The following CLSTN2 variants were observed in gnomAD, a reference collection of about 807,000 sequenced individuals.
The protein encoded by CLSTN2 is calsyntenin 2.
Under a neutral mutation model 101.2 loss-of-function variants are expected in CLSTN2, and 48 were observed. That is an observed-to-expected ratio of 0.47 (90% CI 0.38 to 0.60). The LOEUF is 0.60. CLSTN2 is among the 20% of genes least tolerant of loss of function. CLSTN2 has a pLI of 0.00. For missense variants in CLSTN2, 1,160 were observed against 1,238.2 expected, an observed-to-expected ratio of 0.94 and a Z score of 0.95; for synonymous variants, 481 against 463.6, an observed-to-expected ratio of 1.04 and a Z score of -0.48.
chr3:140,170,206 A>G (rs1026841780), intron 1 of CLSTN2, among the ~76,000 whole-genome samples: 3 of 152,192 alleles, frequency 2.0e-5, no homozygotes, highest in Non-Finnish European at 4.4e-5. Flanking sequence ...CCTCAAAATG[A>G]TCATTTGACC....
chr3:140,236,823 T>TTGTGTG (rs1559815218), intron 2 of CLSTN2, among the ~76,000 whole-genome samples: 1 of 105,990 alleles, frequency 9.4e-6, no homozygotes, highest in Non-Finnish European at 1.9e-5. Context: ...TTATGTTATA[T>TTGTGTG]AGTGTGTGTG....
At chr3:140,386,174 C>T (rs2088049291) in intron 2 of CLSTN2, among the ~76,000 whole-genome samples, 1 of 152,224 alleles carries the variant, frequency 6.6e-6, no homozygotes, top group African/African-American at 2.4e-5. Context: ...ACAGTATAAT[C>T]TGTTATTACT....
At chr3:140,466,582 C>G (rs1350759239) in intron 7 of CLSTN2, 28 bp from the exon 8 acceptor site, 1 of 1,613,784 alleles carries the variant, frequency 6.2e-7, no homozygotes, top group African/African-American at 1.3e-5. Flanking sequence ...GGTTCTCTCA[C>G]TCTTCAAACC....
chr3:140,335,908 A>G (rs1364366629), intron 2 of CLSTN2, among the ~76,000 whole-genome samples: 1 of 152,092 alleles, frequency 6.6e-6, no homozygotes, highest in Non-Finnish European at 1.5e-5. Context: ...GCCTTCTTTC[A>G]TCTCATCTGC....
chr3:140,276,418 T>A (rs1277120004), intron 2 of CLSTN2, among the ~76,000 whole-genome samples: 2 of 152,170 alleles, frequency 1.3e-5, no homozygotes, highest in African/African-American at 4.8e-5. Flanking sequence ...AGTAAGGGTC[T>A]AGTGTAAAGA....
At chr3:140,216,219 C>G (rs921221143) in intron 2 of CLSTN2, among the ~76,000 whole-genome samples, 1 of 152,070 alleles carries the variant, frequency 6.6e-6, no homozygotes, top group African/African-American at 2.4e-5. Flanking sequence ...CCGCCTCCCA[C>G]CCCCATCCAT....
chr3:140,204,793 C>T (rs1032280435), intron 2 of CLSTN2, among the ~76,000 whole-genome samples: 3 of 152,142 alleles, frequency 2.0e-5, no homozygotes, highest in Non-Finnish European at 4.4e-5. Flanking sequence ...GGTCTTATTC[C>T]CCTGGTTACT....
At position 140,264,375 on chromosome 3, in the gene CLSTN2, A is replaced by AATATATAT. The variant is rs61248635; in HGVS notation, c.232+88348_232+88355dup. On this transcript the variant is annotated intron_variant, in intron 2 of 16. Transcript: ENST00000458420. Reference sequence around the variant, plus strand: ...CTGTGAGTTCAAGGTTAATGAATCAAATATATATATATATATATATATATA... The same window carrying AATATATAT: ...CTGTGAGTTCAAGGTTAATGAATCAAATATATATATATATATATATATATATATATATA... 8.6e-4 allele frequency among the ~76,000 whole-genome samples: 85 copies of AATATATAT among 98,486 alleles called. 1 individual carries two copies. The highest frequency in any genetic ancestry group is 1.2e-3 in the Non-Finnish European group (60 of 50,036). The allele number at this position is 98,486 out of a possible 152,430, so 64.6% of individuals were successfully genotyped here.
intron 2 of CLSTN2, among the ~76,000 whole-genome samples, chr3:140,315,092 G>A (rs1409558553): frequency 6.6e-6 from 1 of 152,212 alleles, no homozygotes; most frequent in Non-Finnish European, 1.5e-5. Flanking sequence ...TGCTGGCAAG[G>A]AGCAGAAATA....
intron 2 of CLSTN2, among the ~76,000 whole-genome samples, chr3:140,263,892 G>A (rs1020522270): frequency 1.3e-5 from 2 of 152,100 alleles, no homozygotes; most frequent in Admixed American, 6.6e-5. Context: ...TTTGTTATAA[G>A]TACCATATTT....
chr3:140,342,114 A>T (rs2087499334), intron 2 of CLSTN2, among the ~76,000 whole-genome samples: 1 of 152,210 alleles, frequency 6.6e-6, no homozygotes, highest in African/African-American at 2.4e-5. Context: ...AAGATGGAAG[A>T]TTCTTACCAA....
At chr3:140,180,566 T>G (rs1238617750) in intron 2 of CLSTN2, among the ~76,000 whole-genome samples, 1 of 152,192 alleles carries the variant, frequency 6.6e-6, no homozygotes, top group African/African-American at 2.4e-5. Context: ...ACCATGAACT[T>G]ATTAATTTCT....
At chr3:140,144,821 A>T (rs541935501) in intron 1 of CLSTN2, among the ~76,000 whole-genome samples, 2 of 152,322 alleles carry the variant, frequency 1.3e-5, no homozygotes, top group East Asian at 3.9e-4. Context: ...TTCACCCAAC[A>T]GGCTGCACAT....
rs73228931 is a variant in CLSTN2, at chr3:140,317,457, C to T, written c.233-86172C>T. Among the ~76,000 whole-genome samples the T allele has an allele frequency of 4.9e-3, 739 of 152,230 alleles. 2 individuals are homozygous for T. Among genetic ancestry groups the T allele is most frequent in the Non-Finnish European group, 7.7e-3 (523 of 68,028 alleles). ...TCTGAGAGTGTCCCTCCCTTAGCTG[C>T]AGTCCACTGGAGGAGTGTGCCTTCT... On this transcript the variant is annotated intron_variant, in intron 2 of 16. Transcript: ENST00000458420.
chr3:140,346,706 T>C (rs947843114), intron 2 of CLSTN2, among the ~76,000 whole-genome samples: 2 of 152,220 alleles, frequency 1.3e-5, no homozygotes, highest in South Asian at 4.1e-4. Flanking sequence ...TCCCTTTCCA[T>C]AGTGACTCTT....
In CLSTN2 at chr3:140,163,418, C is replaced by CCACA. The variant is rs757576419; in HGVS notation, c.110-12533_110-12532insCACA. Among the ~76,000 whole-genome samples, 396 of 130,436 alleles carry CCACA rather than the reference C, an allele frequency of 3.0e-3. 2 individuals are homozygous for CCACA. The highest frequency in any genetic ancestry group is 7.0e-3 in the Middle Eastern group (2 of 286). 85.6% of individuals were successfully genotyped at this position (130,436 alleles called of 152,430 possible). On this transcript the variant is annotated intron_variant, in intron 1 of 16. Coordinates refer to ENST00000458420, the MANE Select transcript of CLSTN2 (RefSeq NM_022131.3). ...ATCAATTCTTTAAAATTTTCTATCT[C>CCACA]TACACACACACACACACACACACAC...
chr3:140,566,133 C>A lies in CLSTN2; in HGVS notation c.2748C>A (p.Ser916Arg). The A allele has an allele frequency of 6.2e-7, 1 of 1,611,080 alleles. No individual in the cohort carries two copies. The highest frequency in any genetic ancestry group is 8.5e-7 in the Non-Finnish European group (1 of 1,177,338). The change falls in exon 17 of 17, where the codon AGC becomes AGA. Residue 916 changes from serine to arginine, a missense_variant. Ser to Arg is a moderately radical substitution (Grantham distance 110). Coordinates refer to ENST00000458420, the MANE Select transcript of CLSTN2 (RefSeq NM_022131.3). ...AAGCCGAGGAAGAAATGAGCTCCAG[C>A]AGTGGCTCTGACGACAGCGAAGAGG... ...EEEAEEEMSS[S>R]SGSDDSEEEE...
At chr3:140,440,817 A>T (rs910163399) in intron 5 of CLSTN2, among the ~76,000 whole-genome samples, 1 of 152,204 alleles carries the variant, frequency 6.6e-6, no homozygotes, top group Non-Finnish European at 1.5e-5. Flanking sequence ...GCTCAGAAAG[A>T]TTAAAGAATA....
At chr3:140,361,952 C>CT (rs1000133180) in intron 2 of CLSTN2, among the ~76,000 whole-genome samples, 3 of 152,064 alleles carry the variant, frequency 2.0e-5, no homozygotes, top group Non-Finnish European at 2.9e-5. Flanking sequence ...TTCCGGTAGG[C>CT]TTTTTTGCAG....
Sources: gnomAD v4.1 joint callset for allele counts (sites outside exome capture counted in the v4.1 genomes callset) on GRCh38, gnomAD v4.1.1 for gene constraint, MANE v1.5 for transcripts, NCBI Gene and HGNC (gene_info 2026-07-23, HGNC 2026-07-21) for gene names.